Variants in CNTRL observed in about 807,000 individuals in gnomAD.
CNTRL encodes the protein centriolin.
A neutral mutation model predicts 303.7 loss-of-function variants in CNTRL; 233 were observed. The observed-to-expected ratio is 0.77, with a 90% confidence interval of 0.69 to 0.86. The LOEUF (loss-of-function observed/expected upper bound fraction) is 0.86, where lower values mean the gene tolerates loss of function less well. Among genes scored for constraint, CNTRL ranks in the 40% least tolerant of loss-of-function variants. The pLI is 0.00. For synonymous variants in CNTRL, 900 were observed against 922.2 expected (o/e 0.98, Z 0.44); for missense variants, 2,524 against 2,650.6 (o/e 0.95, Z 1.05).
In CNTRL at chr9:121,125,891, A is replaced by G. The variant is rs1423449419; in HGVS notation, c.1980A>G (p.Arg660=). ...GATTGACAGAAGTCGAGCAGGAGAG[A>G]GACCAGCTGGAAATAGTTGCCATGG... is the stretch of plus-strand genomic sequence containing the variant. ...LQRLTEVEQE[R]DQLEIVAMDA... Residue 660 remains arginine (R), a synonymous_variant, in exon 14 of 44, where the codon AGA becomes AGG. Coordinates refer to ENST00000373855, the MANE Select transcript of CNTRL (RefSeq NM_007018.6). The G allele has an allele frequency of 6.2e-7, 1 of 1,614,226 alleles. No homozygotes were observed. The highest frequency in any genetic ancestry group is 8.5e-7 in the Non-Finnish European group (1 of 1,180,040).
At chr9:121,162,439 T>C (rs1263096956) in intron 34 of CNTRL, 168 bp downstream of exon 34, 1 of 571,448 alleles carries the variant, frequency 1.7e-6, no homozygotes, top group Non-Finnish European at 3.1e-6. Flanking sequence ...CTTCTAGCTT[T>C]TTTTTTTTTT....
chr9:121,161,179 TAGAA>T, intron 32 of CNTRL: 1 of 398,288 alleles, frequency 2.5e-6, no homozygotes, highest in Non-Finnish European at 4.7e-6. Flanking sequence ...CATGCATTCT[TAGAA>T]GGAAATACAT....
chr9:121,166,357 A>C (rs2053090544), intron 36 of CNTRL, among the ~76,000 whole-genome samples, 177 bp downstream of exon 36: 1 of 152,200 alleles, frequency 6.6e-6, no homozygotes, highest in Non-Finnish European at 1.5e-5. Flanking sequence ...GTGGTTTGCT[A>C]ATTTATTTTA....
chr9:121,107,843 A>C lies in CNTRL; in HGVS notation c.850A>C (p.Ile284Leu). The change falls in exon 8 of 44, where the codon ATA (isoleucine) becomes CTA (leucine). Residue 284 changes from isoleucine (I) to leucine (L), a missense_variant. By Grantham distance (5) the Ile-to-Leu change is conservative. Transcript: ENST00000373855. ...GGAAAGAGACCTAGAAAAAAAGATGATAGAAACTGAAGAGCTTAAGAGCAA... is the reference window on the plus strand; with the variant it reads ...GGAAAGAGACCTAGAAAAAAAGATGCTAGAAACTGAAGAGCTTAAGAGCAA... ...RLERDLEKKM[I>L]ETEELKSKQT... 6.3e-7 allele frequency: 1 copy of C among 1,594,464 alleles called. No homozygotes were observed. Among genetic ancestry groups the C allele is most frequent in the Non-Finnish European group, 8.5e-7 (1 of 1,174,856 alleles).
At position 121,094,949 on chromosome 9, in the gene CNTRL, T is replaced by C; in HGVS notation, c.410T>C (p.Ile137Thr). 6.3e-7 allele frequency: 1 copy of C among 1,599,084 alleles called. No homozygotes were observed. The highest frequency in any genetic ancestry group is 8.6e-7 in the Non-Finnish European group (1 of 1,168,724). The change falls in exon 5 of 44, where the codon ATA becomes ACA. Residue 137 changes from isoleucine to threonine, a missense_variant. By Grantham distance (89) the Ile-to-Thr change is moderately conservative. Coordinates refer to ENST00000373855, the MANE Select transcript of CNTRL (RefSeq NM_007018.6). ...LEVLNLSYNL[I>T]GKIEKLDKLL... Reference sequence around the variant, plus strand: ...GTACTGAATCTCAGCTATAATCTAATAGGGAAGATTGAAAAGTTGGACAAG... The same window carrying C: ...GTACTGAATCTCAGCTATAATCTAACAGGGAAGATTGAAAAGTTGGACAAG...
At position 121,144,131 on chromosome 9, in the gene CNTRL, A is replaced by G. The variant is rs752007839; in HGVS notation, c.3051+49A>G. ...GTTTCCATCAATGATGCTGCTGTCAAAAAACATGGCAACTTGTATTATTGA... is the reference window on the plus strand; with the variant it reads ...GTTTCCATCAATGATGCTGCTGTCAGAAAACATGGCAACTTGTATTATTGA... On this transcript the variant is annotated intron_variant, in intron 20 of 43. Coordinates refer to ENST00000373855, the MANE Select transcript of CNTRL (RefSeq NM_007018.6). The G allele has an allele frequency of 2.3e-5, 34 of 1,464,640 alleles. No individual in the cohort carries two copies. The Admixed American group carries it at 7.2e-4, about 31-fold the overall frequency. 90.7% of individuals were successfully genotyped at this position (1,464,640 alleles called of 1,614,324 possible).
At chr9:121,164,648 C>G (rs946705679) in intron 34 of CNTRL, among the ~76,000 whole-genome samples, 16 of 152,216 alleles carry the variant, frequency 1.1e-4, no homozygotes, top group African/African-American at 3.6e-4. Flanking sequence ...TTGTTTTCTA[C>G]TCTTTCGATT....
At position 121,107,947 on chromosome 9, in the gene CNTRL, A is replaced by G; in HGVS notation, c.954A>G (p.Lys318=). The change falls in exon 8 of 44, where the codon AAA becomes AAG. Residue 318 remains lysine (K), a synonymous_variant. Transcript: ENST00000373855. ...KSLKEEAMLQ[K]QSCEELKSDL... is the part of the protein sequence containing the mutation. The stretch of plus-strand genomic sequence containing the variant: ...TAAAAGAGGAGGCCATGTTACAGAA[A>G]CAGAGCTGTGAGGAACTCAAGAGTG... The G allele has an allele frequency of 6.2e-7, 1 of 1,601,534 alleles. No homozygotes were observed. The highest frequency in any genetic ancestry group is 8.5e-7 in the Non-Finnish European group (1 of 1,176,582).
At position 121,088,317 on chromosome 9, in the gene CNTRL, T is replaced by C; in HGVS notation, c.-10T>C. The C allele has an allele frequency of 6.3e-7, 1 of 1,576,548 alleles. No individual in the cohort carries two copies. On this transcript the variant is annotated 5_prime_UTR_variant, in exon 3 of 44. Coordinates refer to ENST00000373855, the MANE Select transcript of CNTRL (RefSeq NM_007018.6). ...ACAGGTTTTGATGAACACCTGGCTTTATTCTTGCAATGAAGAAAGGTTCTC... is the reference window on the plus strand; with the variant it reads ...ACAGGTTTTGATGAACACCTGGCTTCATTCTTGCAATGAAGAAAGGTTCTC...
intron 41 of CNTRL, 77 bp downstream of exon 41, chr9:121,173,586 G>A (rs1488797915): frequency 5.0e-6 from 8 of 1,609,600 alleles, no homozygotes; most frequent in South Asian, 3.3e-5. Context: ...ACAGATGTGG[G>A]GGTGCTGGGG....
At chr9:121,089,046 A>G (rs998694321) in intron 3 of CNTRL, among the ~76,000 whole-genome samples, 6 of 152,186 alleles carry the variant, frequency 3.9e-5, no homozygotes, top group Non-Finnish European at 7.4e-5. Flanking sequence ...TCAAAAGTGC[A>G]TTGTTGGGGG....
intron 6 of CNTRL, among the ~76,000 whole-genome samples, chr9:121,097,571 C>T (rs1209814048): frequency 1.2e-5 from 1 of 84,286 alleles, no homozygotes; most frequent in East Asian, 1.4e-3. Context: ...TTTCTAATTT[C>T]ATCCTGTGAC....
intron 11 of CNTRL, among the ~76,000 whole-genome samples, chr9:121,117,586 C>T (rs1263321406): frequency 6.6e-6 from 1 of 152,080 alleles, no homozygotes; most frequent in East Asian, 1.9e-4. Flanking sequence ...CCTAGTATGA[C>T]CTTGGGCGAG....
At chr9:121,133,748 G>T (rs1166201283) in intron 14 of CNTRL, among the ~76,000 whole-genome samples, 1 of 152,220 alleles carries the variant, frequency 6.6e-6, no homozygotes, top group Non-Finnish European at 1.5e-5. Context: ...CACGCTGGGA[G>T]CTGCAGACCA....
chr9:121,108,541 G>C (rs1304779018), intron 8 of CNTRL, among the ~76,000 whole-genome samples: 1 of 152,024 alleles, frequency 6.6e-6, no homozygotes, highest in Admixed American at 6.6e-5. Flanking sequence ...TTTGTAAACT[G>C]TCAGAAGTTT....
At position 121,157,789 on chromosome 9, in the gene CNTRL, G is replaced by T; in HGVS notation, c.4546G>T (p.Glu1516Ter). The change falls in exon 29 of 44, where the codon GAA becomes TAA. Residue 1516 changes from glutamate (E) to a stop codon, truncating the protein, a stop_gained. Coordinates refer to ENST00000373855, the MANE Select transcript of CNTRL (RefSeq NM_007018.6). LOFTEE classifies it high-confidence loss of function. ...KDLEQHKIKQ[E>*]EILKEINKIV... Reference sequence around the variant, plus strand: ...TTTGGAGCAGCACAAAATCAAGCAAGAAGAAATCTTGAAAGAAATAAACAA... The same window carrying T: ...TTTGGAGCAGCACAAAATCAAGCAATAAGAAATCTTGAAAGAAATAAACAA... 6.2e-7 allele frequency: 1 copy of T among 1,614,164 alleles called. No homozygotes were observed. The highest frequency in any genetic ancestry group is 1.7e-5 in the Admixed American group (1 of 60,018).
Position 121,112,461 on chromosome 9 carries a change from A to G in CNTRL, c.1005A>G (p.Leu335=), listed in dbSNP as rs1377855563. 1.2e-6 allele frequency: 2 copies of G among 1,612,514 alleles called. No homozygotes were observed. The highest frequency in any genetic ancestry group is 1.7e-6 in the Non-Finnish European group (2 of 1,179,028). Residue 335 remains leucine (L), a splice_region_variant and synonymous_variant, in exon 9 of 44, where the codon CTA becomes CTG. Coordinates refer to ENST00000373855, the MANE Select transcript of CNTRL (RefSeq NM_007018.6). ...CTCATATCAAATTGGGCCAATAGCTAAAACAGAAGACCATAGAATTAACAC... is the reference window on the plus strand; with the variant it reads ...CTCATATCAAATTGGGCCAATAGCTGAAACAGAAGACCATAGAATTAACAC... ...KSDLNTKNEL[L]KQKTIELTRA...
At position 121,167,634 on chromosome 9, in the gene CNTRL, A is replaced by G. The variant is rs767116003; in HGVS notation, c.5801A>G (p.Asn1934Ser). 1 of 1,614,094 alleles carries G rather than the reference A, an allele frequency of 6.2e-7. No individual in the cohort carries two copies. The highest frequency in any genetic ancestry group is 2.2e-5 in the East Asian group (1 of 44,884). The change falls in exon 37 of 44, where the codon AAT (asparagine) becomes AGT (serine). Residue 1934 changes from asparagine (N) to serine (S), a missense_variant. Coordinates refer to ENST00000373855, the MANE Select transcript of CNTRL (RefSeq NM_007018.6). ...TKQQQLQVLQ[N>S]EIEENKLKLV... ...CAACAACAACTTCAAGTGCTTCAGA[A>G]TGAGATTGAAGAAAACAAGCTCAAA...
chr9:121,099,591 C>T lies in CNTRL; in HGVS notation c.808+1019C>T, dbSNP rs890227071. Among the ~76,000 whole-genome samples the T allele has an allele frequency of 4.6e-5, 7 of 152,110 alleles. No individual in the cohort carries two copies. In the South Asian group the frequency reaches 8.3e-4, roughly 18 times the overall value. On this transcript the variant is annotated intron_variant, in intron 7 of 43. Coordinates refer to ENST00000373855, the MANE Select transcript of CNTRL (RefSeq NM_007018.6). ...TTGAAAGAAGAAGGCTTCAGAAGATCGGTAATAACAAACTTCTCCGAGCTA... is the reference window on the plus strand; with the variant it reads ...TTGAAAGAAGAAGGCTTCAGAAGATTGGTAATAACAAACTTCTCCGAGCTA...
Sources: gnomAD v4.1 joint callset for allele counts (sites outside exome capture counted in the v4.1 genomes callset) on GRCh38, gnomAD v4.1.1 for gene constraint, MANE v1.5 for transcripts, NCBI Gene and HGNC (gene_info 2026-07-23, HGNC 2026-07-21) for gene names.